Variants in LRRTM4 observed in about 807,000 individuals in gnomAD.
LRRTM4 encodes leucine rich repeat transmembrane neuronal 4, also known as leucine-rich repeat transmembrane neuronal protein 4.
In LRRTM4, 25 loss-of-function variants were observed where a neutral mutation model predicts 47.6. The ratio of observed to expected loss-of-function variants is 0.53; its 90% CI spans 0.38 to 0.73. The LOEUF (loss-of-function observed/expected upper bound fraction) is 0.73. Among genes scored for constraint, LRRTM4 ranks in the 30% least tolerant of loss-of-function variants. The probability of loss-of-function intolerance (pLI) is 0.00; values close to 1 mark genes in which losing one functional copy is unlikely to be tolerated. For missense variants in LRRTM4, 638 were observed against 713.4 expected, an observed-to-expected ratio of 0.89 and a Z score of 1.20; for synonymous variants, 311 against 269.5, an observed-to-expected ratio of 1.15 and a Z score of -1.51.
chr2:76,816,819 GTTTTTTTTTTTTTTTTT>G (rs201525166), intron 3 of LRRTM4, among the ~76,000 whole-genome samples: 58,472 of 98,814 alleles, frequency 0.59, 14,241 homozygotes, highest in Middle Eastern at 0.68. Context: ...GAGGTAAAGA[GTTTTTTTTTTTTTTTTT>G]TTTTTTTTTT....
At chr2:76,811,616 T>C (rs1034178677) in intron 3 of LRRTM4, among the ~76,000 whole-genome samples, 2 of 152,156 alleles carry the variant, frequency 1.3e-5, no homozygotes, top group African/African-American at 4.8e-5. Context: ...AGCAGGTGAG[T>C]GTGTTTATGT....
intron 3 of LRRTM4, among the ~76,000 whole-genome samples, chr2:76,889,829 G>C (rs891081358): frequency 6.6e-6 from 1 of 151,896 alleles, no homozygotes. Flanking sequence ...AAAGAAGAAA[G>C]AGAGAGAAAG....
intron 3 of LRRTM4, among the ~76,000 whole-genome samples, chr2:77,406,426 A>T (rs1352755588): frequency 6.6e-6 from 1 of 151,950 alleles, no homozygotes; most frequent in Non-Finnish European, 1.5e-5. Flanking sequence ...GGCTCCAGTG[A>T]TCCTCCTACC....
At chr2:77,345,059 C>A (rs1671512637) in intron 3 of LRRTM4, among the ~76,000 whole-genome samples, 1 of 149,622 alleles carries the variant, frequency 6.7e-6, no homozygotes, top group Admixed American at 6.7e-5. Flanking sequence ...TATACAAATA[C>A]CTAAAATAAT....
chr2:77,105,585 AC>A (rs1056922465), intron 3 of LRRTM4, among the ~76,000 whole-genome samples: 1 of 152,098 alleles, frequency 6.6e-6, no homozygotes, highest in Non-Finnish European at 1.5e-5. Flanking sequence ...GGTGCAGCAC[AC>A]CAACATGGCA....
intron 3 of LRRTM4, among the ~76,000 whole-genome samples, chr2:77,259,858 T>A (rs919057118): frequency 6.6e-6 from 1 of 152,038 alleles, no homozygotes; most frequent in Non-Finnish European, 1.5e-5. Flanking sequence ...CACCTACTCG[T>A]TTGATGAACA....
intron 3 of LRRTM4, among the ~76,000 whole-genome samples, chr2:76,919,411 A>T (rs906007746): frequency 2.0e-5 from 3 of 152,210 alleles, no homozygotes; most frequent in African/African-American, 7.2e-5. Flanking sequence ...AAGAGCTCAG[A>T]GTTCATCTTC....
chr2:77,400,684 T>C (rs1160097686), intron 3 of LRRTM4, among the ~76,000 whole-genome samples: 1 of 151,860 alleles, frequency 6.6e-6, no homozygotes, highest in Non-Finnish European at 1.5e-5. Flanking sequence ...TAGCCCTGAA[T>C]AGGTGCTCAA....
intron 3 of LRRTM4, among the ~76,000 whole-genome samples, chr2:76,783,994 G>C (rs1444294714): frequency 1.3e-5 from 2 of 152,090 alleles, no homozygotes; most frequent in African/African-American, 4.8e-5. Context: ...GTTAAACAGA[G>C]TTGCTACTTG....
rs72815494 is a variant in LRRTM4, at chr2:76,824,291, C to A, written c.1552-75375G>T. The stretch of plus-strand genomic sequence containing the variant: ...TGTGTGTGTGTTTTGCATTCTCTTT[C>A]GACTGGTTGTATAATTTGCTTGGTT... On this transcript the variant is annotated intron_variant, in intron 3 of 3. Coordinates refer to ENST00000409884, the MANE Select transcript of LRRTM4 (RefSeq NM_001134745.3). Among the ~76,000 whole-genome samples the A allele has an allele frequency of 2.6e-5, 4 of 151,274 alleles. No individual in the cohort carries two copies. In the South Asian group the frequency reaches 6.2e-4, roughly 24 times the overall value.
chr2:77,407,678 A>T (rs1429892094), intron 3 of LRRTM4, among the ~76,000 whole-genome samples: 6,633 of 134,462 alleles, frequency 0.049, 167 homozygotes, highest in South Asian at 0.087. Context: ...TAATTATATA[A>T]TATTTAATAT....
At chr2:77,413,176 CT>C (rs1479609781) in intron 3 of LRRTM4, among the ~76,000 whole-genome samples, 1 of 152,080 alleles carries the variant, frequency 6.6e-6, no homozygotes, top group African/African-American at 2.4e-5. Flanking sequence ...ATTAAGGGTC[CT>C]TTTGCTTGTA....
chr2:77,083,702 G>A (rs916874032), intron 3 of LRRTM4, among the ~76,000 whole-genome samples: 5 of 147,766 alleles, frequency 3.4e-5, no homozygotes, highest in African/African-American at 1.2e-4. Context: ...CACTCACTCT[G>A]GTAGAGTGTT....
At chr2:76,961,955 C>A (rs1675875010) in intron 3 of LRRTM4, among the ~76,000 whole-genome samples, 1 of 151,048 alleles carries the variant, frequency 6.6e-6, no homozygotes. Context: ...CAATGAAGCC[C>A]CTTTATGAAT....
intron 3 of LRRTM4, among the ~76,000 whole-genome samples, chr2:77,110,338 C>A (rs7593559): frequency 0.38 from 57,029 of 151,942 alleles, 11,576 homozygotes; most frequent in Non-Finnish European, 0.45. Context: ...AAATAAAATA[C>A]AATAACATCT....
At chr2:77,167,099 C>G (rs560053236) in intron 3 of LRRTM4, among the ~76,000 whole-genome samples, 215 of 152,068 alleles carry the variant, frequency 1.4e-3, no homozygotes, top group Admixed American at 1.9e-3. Flanking sequence ...AAAACTTAAA[C>G]AAATTTACAA....
In LRRTM4 at chr2:76,992,630, C is replaced by G. The variant is rs1333013649; in HGVS notation, c.1552-243714G>C. The stretch of plus-strand genomic sequence containing the variant: ...CTGCTGAAAGAAATCAAAGACAACA[C>G]AAACAAATGGAAAAACAATCCATGT... On this transcript the variant is annotated intron_variant, in intron 3 of 3. Transcript: ENST00000409884. Among the ~76,000 whole-genome samples the G allele has an allele frequency of 2.0e-5, 3 of 151,360 alleles. No individual in the cohort carries two copies. The Admixed American group carries it at 2.0e-4, about 10-fold the overall frequency.
At chr2:77,095,553 T>A (rs1670787868) in intron 3 of LRRTM4, among the ~76,000 whole-genome samples, 2 of 151,026 alleles carry the variant, frequency 1.3e-5, no homozygotes, top group South Asian at 4.2e-4. Context: ...TCTCCCAGGC[T>A]GGAGTACAGT....
intron 3 of LRRTM4, among the ~76,000 whole-genome samples, chr2:77,323,222 A>T (rs1670610765): frequency 6.6e-6 from 1 of 152,134 alleles, no homozygotes; most frequent in Admixed American, 6.5e-5. Context: ...TTCCAAACAG[A>T]TTAAATGCCA....
Sources: allele counts gnomAD v4.1 joint callset (sites outside exome capture counted in the v4.1 genomes callset), GRCh38; gene constraint gnomAD v4.1.1; transcripts MANE v1.5; gene names NCBI Gene and HGNC (gene_info 2026-07-23, HGNC 2026-07-21).